The following ACAP2 variants were observed in gnomAD, a reference collection of about 807,000 sequenced individuals.
ACAP2 encodes the protein ArfGAP with coiled-coil, ankyrin repeat and PH domains 2.
A neutral mutation model predicts 115.8 loss-of-function variants in ACAP2; 39 were observed. That is an observed-to-expected ratio of 0.34 (90% CI 0.26 to 0.44). ACAP2 has a LOEUF of 0.44. ACAP2 is among the 20% of genes least tolerant of loss of function. The pLI, the probability that ACAP2 is intolerant of heterozygous loss-of-function variation, is 1.00. For synonymous variants in ACAP2, 289 were observed against 315.8 expected (o/e 0.92, Z 0.90); for missense variants, 662 against 927.6 (o/e 0.71, Z 3.72).
At position 195,308,768 on chromosome 3, in the gene ACAP2, T is replaced by C. The variant is rs1324546340; in HGVS notation, c.909+18A>G. The C allele has an allele frequency of 6.2e-7, 1 of 1,603,452 alleles. No homozygotes were observed. Among genetic ancestry groups the C allele is most frequent in the Non-Finnish European group, 8.5e-7 (1 of 1,173,156 alleles). ...CTGAAACTGGTAACTCACTGGGGTT[T>C]CATTTATTAACACCTACCTTAAATT... On this transcript the variant is annotated intron_variant, in intron 11 of 22. Transcript: ENST00000326793.
chr3:195,291,834 A>C lies in ACAP2; in HGVS notation c.1954-19T>G. 1 of 1,591,736 alleles carries C rather than the reference A, an allele frequency of 6.3e-7. No individual in the cohort carries two copies. On this transcript the variant is annotated intron_variant, in intron 19 of 22. Coordinates refer to ENST00000326793, the MANE Select transcript of ACAP2 (RefSeq NM_012287.6). ...AAGAGCCCTTAAAGGAAAAAAGAGG[A>C]TAACTATAGACAAAAGCAAATAACA...
At chr3:195,283,887 C>CT (rs565663609) in intron 22 of ACAP2, among the ~76,000 whole-genome samples, 101 of 149,898 alleles carry the variant, frequency 6.7e-4, no homozygotes, top group Middle Eastern at 6.8e-3. Flanking sequence ...TAAAATGAGG[C>CT]TTTTTTTTTC....
intron 1 of ACAP2, among the ~76,000 whole-genome samples, chr3:195,408,331 G>C (rs914387993): frequency 6.6e-6 from 1 of 152,116 alleles, no homozygotes; most frequent in African/African-American, 2.4e-5. Context: ...GGCATTGGTG[G>C]CTCACACCTG....
In ACAP2 at chr3:195,281,590, G is replaced by A. The variant is rs74437289; in HGVS notation, c.2237-2162C>T. On this transcript the variant is annotated intron_variant, in intron 22 of 22. Transcript: ENST00000326793. Reference sequence around the variant, plus strand: ...TAAAAAGAAAAAAACAGTAAGAAGAGATTATTAACAGGTGGCTGAGAGTAA... The same window carrying A: ...TAAAAAGAAAAAAACAGTAAGAAGAAATTATTAACAGGTGGCTGAGAGTAA... Among the ~76,000 whole-genome samples the A allele has an allele frequency of 7.2e-3, 1,094 of 152,170 alleles. 16 individuals carry two copies. Among genetic ancestry groups the A allele is most frequent in the African/African-American group, 0.025 (1,045 of 41,492 alleles).
chr3:195,418,186 C>G (rs1308907022), intron 1 of ACAP2, among the ~76,000 whole-genome samples: 1 of 152,164 alleles, frequency 6.6e-6, no homozygotes, highest in Non-Finnish European at 1.5e-5. Context: ...TCGTCTTTCA[C>G]CTGTCAATTT....
intron 1 of ACAP2, among the ~76,000 whole-genome samples, chr3:195,409,879 CAAAAAAAA>C (rs59779977): frequency 1.9e-4 from 11 of 56,994 alleles, no homozygotes; most frequent in East Asian, 7.2e-4. Context: ...GACTCCATCT[CAAAAAAAA>C]AAAAAAAAAA....
intron 8 of ACAP2, among the ~76,000 whole-genome samples, chr3:195,332,100 C>T (rs1730211361): frequency 6.7e-6 from 1 of 148,828 alleles, no homozygotes; most frequent in Non-Finnish European, 1.5e-5. Flanking sequence ...CGCCACTGCA[C>T]TCCAGCCTGG....
intron 1 of ACAP2, among the ~76,000 whole-genome samples, chr3:195,402,250 T>G (rs1290405490): frequency 6.6e-6 from 1 of 152,176 alleles, no homozygotes; most frequent in South Asian, 2.1e-4. Flanking sequence ...ATTTGCGGCC[T>G]GGGGTCACGC....
intron 1 of ACAP2, among the ~76,000 whole-genome samples, chr3:195,417,672 G>A (rs960609386): frequency 1.3e-5 from 2 of 152,188 alleles, no homozygotes; most frequent in South Asian, 2.1e-4. Flanking sequence ...CAACAGCTGG[G>A]TACAGTGGCT....
intron 10 of ACAP2, chr3:195,312,899 A>C (rs1728858621): frequency 6.6e-6 from 1 of 152,226 alleles, no homozygotes; most frequent in East Asian, 1.9e-4. Flanking sequence ...CGTGCCAAAA[A>C]GGAAACTGGA....
intron 1 of ACAP2, among the ~76,000 whole-genome samples, chr3:195,413,794 G>C (rs1375952069): frequency 2.0e-5 from 3 of 151,800 alleles, no homozygotes; most frequent in Non-Finnish European, 4.4e-5. Context: ...CAAAAGACCT[G>C]AGCAGACACC....
intron 11 of ACAP2, 151 bp downstream of exon 11, chr3:195,308,635 C>T (rs993482829): frequency 4.7e-6 from 3 of 632,038 alleles, no homozygotes; most frequent in Non-Finnish European, 7.9e-6. Context: ...TATTTTCCAC[C>T]CTAGAGTCCT....
rs1374657278 is a variant in ACAP2, at chr3:195,378,106, A to AAGCGGAGGAGGAAGGG, written c.285+2902_285+2903insCCCTTCCTCCTCCGCT. Reference sequence around the variant, plus strand: ...AGGAAGGGAGGAGGAGGAAGGGAGGAAGGAAGGAGAGAGAAAGAAAGTGAG... The same window carrying AAGCGGAGGAGGAAGGG: ...AGGAAGGGAGGAGGAGGAAGGGAGGAAGCGGAGGAGGAAGGGAGGAAGGAGAGAGAAAGAAAGTGAG... On this transcript the variant is annotated intron_variant, in intron 4 of 22. Coordinates refer to ENST00000326793, the MANE Select transcript of ACAP2 (RefSeq NM_012287.6). 1.5e-4 allele frequency among the ~76,000 whole-genome samples: 23 copies of AAGCGGAGGAGGAAGGG among 151,858 alleles called. 1 individual carries two copies. Among genetic ancestry groups the AAGCGGAGGAGGAAGGG allele is most frequent in the African/African-American group, 4.8e-4 (20 of 41,328 alleles).
At chr3:195,417,448 A>G (rs1219989781) in intron 1 of ACAP2, among the ~76,000 whole-genome samples, 1 of 152,114 alleles carries the variant, frequency 6.6e-6, no homozygotes, top group African/African-American at 2.4e-5. Context: ...ATATCCAAGC[A>G]ATCACAATGT....
At chr3:195,404,905 C>T (rs1239588368) in intron 1 of ACAP2, among the ~76,000 whole-genome samples, 1 of 151,532 alleles carries the variant, frequency 6.6e-6, no homozygotes, top group Non-Finnish European at 1.5e-5. Flanking sequence ...TCAAGCGATT[C>T]TCCTGCCTCA....
chr3:195,428,541 T>G (rs1714863926), intron 1 of ACAP2, among the ~76,000 whole-genome samples: 1 of 152,092 alleles, frequency 6.6e-6, no homozygotes, highest in Non-Finnish European at 1.5e-5. Context: ...CAGTATTCAG[T>G]ACAATAACAA....
chr3:195,400,424 A>C lies in ACAP2; in HGVS notation c.54-8277T>G, dbSNP rs571204044. Among the ~76,000 whole-genome samples, 21 of 152,198 alleles carry C rather than the reference A, an allele frequency of 1.4e-4. 1 individual carries two copies. The South Asian group carries it at 3.9e-3, about 29-fold the overall frequency. On this transcript the variant is annotated intron_variant, in intron 1 of 22. Coordinates refer to ENST00000326793, the MANE Select transcript of ACAP2 (RefSeq NM_012287.6). ...ATTTTTAACATGTGTAGTGGCAAATAATCATTATTGACAGAATACTAATCC... is the reference window on the plus strand; with the variant it reads ...ATTTTTAACATGTGTAGTGGCAAATCATCATTATTGACAGAATACTAATCC...
chr3:195,416,306 A>G (rs1713722259), intron 1 of ACAP2, among the ~76,000 whole-genome samples: 1 of 151,630 alleles, frequency 6.6e-6, no homozygotes, highest in Non-Finnish European at 1.5e-5. Flanking sequence ...AGACTGCGCT[A>G]TTGCACTCTG....
At chr3:195,311,279 T>C (rs529123032) in intron 10 of ACAP2, among the ~76,000 whole-genome samples, 1 of 152,108 alleles carries the variant, frequency 6.6e-6, no homozygotes, top group Non-Finnish European at 1.5e-5. Flanking sequence ...GTATTTTTAG[T>C]AGAGACGAGG....
Sources: allele counts gnomAD v4.1 joint callset (sites outside exome capture counted in the v4.1 genomes callset), GRCh38; gene constraint gnomAD v4.1.1; transcripts MANE v1.5; gene names NCBI Gene and HGNC (gene_info 2026-07-23, HGNC 2026-07-21).